The following CCS variants were observed in gnomAD, a reference collection of about 807,000 sequenced individuals.
CCS encodes the protein copper chaperone for superoxide dismutase, also known as superoxide dismutase copper chaperone.
Under a neutral mutation model 35.5 loss-of-function variants are expected in CCS, and 32 were observed. The observed-to-expected ratio is 0.90, with a 90% CI of 0.68 to 1.21. The LOEUF (loss-of-function observed/expected upper bound fraction) is 1.21. Ranked by LOEUF, CCS falls within the 50% of genes most tolerant of loss-of-function variation. The pLI, the probability that CCS is intolerant of heterozygous loss-of-function variation, is 0.00. For synonymous variants in CCS, 130 were observed against 147.2 expected (o/e 0.88, Z 0.84); for missense variants, 342 against 375.4 (o/e 0.91, Z 0.73).
At chr11:66,601,651 C>T (rs1467098071) in intron 5 of CCS, among the ~76,000 whole-genome samples, 1 of 151,980 alleles carries the variant, frequency 6.6e-6, no homozygotes, top group African/African-American at 2.4e-5. Context: ...TCACTACAGC[C>T]TTGAACTCAT....
At chr11:66,597,969 GGCCAGGCGCAGTGGCTCAC>G (rs1858507180) in intron 2 of CCS, among the ~76,000 whole-genome samples, 2 of 150,538 alleles carry the variant, frequency 1.3e-5, no homozygotes, top group Admixed American at 1.3e-4. Context: ...CACCCATTTA[GGCCAGGCGCAGTGGCTCAC>G]GCCTGTAGTC....
chr11:66,593,772 C>A, intron 2 of CCS, 58 bp downstream of exon 2: 2 of 1,499,428 alleles, frequency 1.3e-6, no homozygotes, highest in South Asian at 1.1e-5. Flanking sequence ...AGGGACCAGG[C>A]GAATCTATTA....
At position 66,593,251 on chromosome 11, in the gene CCS, CTG is replaced by C; in HGVS notation, c.-10_-9del. 2 of 1,561,508 alleles carry C rather than the reference CTG, an allele frequency of 1.3e-6. No homozygotes were observed. The highest frequency in any genetic ancestry group is 1.7e-6 in the Non-Finnish European group (2 of 1,153,274). On this transcript the variant is annotated 5_prime_UTR_variant, in exon 1 of 8. Transcript: ENST00000533244. Reference sequence around the variant, plus strand: ...GGAGTTCTGCGTCTCGGGGTGGTGACTGGGTCCAGAATGGCTTCGGATTCGGG... The same window carrying C: ...GGAGTTCTGCGTCTCGGGGTGGTGACGGTCCAGAATGGCTTCGGATTCGGG...
rs149284164 is a variant in CCS, at chr11:66,605,769, G to A, written c.739G>A (p.Asp247Asn). The change falls in exon 8 of 8, where the codon GAT (aspartate) becomes AAT (asparagine). Residue 247 changes from aspartate to asparagine, a missense_variant. Transcript: ENST00000533244. The stretch of plus-strand genomic sequence containing the variant: ...GAACCCCAAGCAGATCTGCTCTTGC[G>A]ATGGCCTCACCATCTGGGAGGAGCG... ...FQNPKQICSCDGLTIWEERGR... is the reference protein window; with the variant it reads ...FQNPKQICSCNGLTIWEERGR... 78 of 1,608,072 alleles carry A rather than the reference G, an allele frequency of 4.9e-5. 1 individual carries two copies. The highest frequency in any genetic ancestry group is 6.7e-5 in the East Asian group (3 of 44,800).
At position 66,599,520 on chromosome 11, in the gene CCS, C is replaced by T. The variant is rs1271419732; in HGVS notation, c.312C>T (p.Arg104=). 6.3e-7 allele frequency: 1 copy of T among 1,586,974 alleles called. No homozygotes were observed. Among genetic ancestry groups the T allele is most frequent in the Non-Finnish European group, 8.6e-7 (1 of 1,168,648 alleles). The change falls in exon 4 of 8, where the codon CGC becomes CGT. Residue 104 remains arginine, a synonymous_variant. Coordinates refer to ENST00000533244, the MANE Select transcript of CCS (RefSeq NM_005125.2). Reference sequence around the variant, plus strand: ...CTGGCACCGTGCAGGGGGTGGTGCGCTTCCTACAGCTGACCCCTGAGCGCT... The same window carrying T: ...CTGGCACCGTGCAGGGGGTGGTGCGTTTCCTACAGCTGACCCCTGAGCGCT... ...GGPGTVQGVV[R]FLQLTPERCL...
At chr11:66,604,248 C>CA (rs1565062471) in intron 5 of CCS, among the ~76,000 whole-genome samples, 1 of 151,360 alleles carries the variant, frequency 6.6e-6, no homozygotes, top group Non-Finnish European at 1.5e-5. Flanking sequence ...ACAAAACAAG[C>CA]AAAAAAAACC....
chr11:66,602,915 A>G (rs942246270), intron 5 of CCS, among the ~76,000 whole-genome samples: 1 of 152,252 alleles, frequency 6.6e-6, no homozygotes. Context: ...CAGGTGGAAA[A>G]GAATTCCATG....
intron 2 of CCS, among the ~76,000 whole-genome samples, chr11:66,596,941 A>T (rs1308403564): frequency 6.6e-6 from 1 of 152,226 alleles, no homozygotes; most frequent in African/African-American, 2.4e-5. Flanking sequence ...CAGTTGCACA[A>T]CTTACTACAG....
intron 1 of CCS, 90 bp from the exon 2 acceptor site, chr11:66,593,552 C>T: frequency 7.4e-7 from 1 of 1,355,138 alleles, no homozygotes. Flanking sequence ...GTTCCCAGAC[C>T]CTTGCGGTGG....
chr11:66,604,883 G>C (rs1436972679), intron 5 of CCS, among the ~76,000 whole-genome samples: 2 of 152,204 alleles, frequency 1.3e-5, no homozygotes, highest in Non-Finnish European at 2.9e-5. Context: ...GGGAAGCCAA[G>C]CTTGGCCAAC....
chr11:66,598,877 G>T (rs567707355), intron 2 of CCS, among the ~76,000 whole-genome samples: 33 of 152,212 alleles, frequency 2.2e-4, no homozygotes, highest in South Asian at 6.2e-4. Flanking sequence ...AATGCCTGGC[G>T]TGTATTAGAA....
intron 2 of CCS, among the ~76,000 whole-genome samples, chr11:66,594,563 T>C (rs555214914): frequency 6.6e-6 from 1 of 152,026 alleles, no homozygotes; most frequent in Non-Finnish European, 1.5e-5. Context: ...ATTGCTCAAG[T>C]CCATGAGTTT....
intron 5 of CCS, 80 bp downstream of exon 5, chr11:66,600,629 A>G: frequency 1.5e-6 from 1 of 655,642 alleles, no homozygotes; most frequent in South Asian, 2.8e-5. Flanking sequence ...TCTTGGGATC[A>G]TAACAGTGTG....
At chr11:66,593,360 A>T in intron 1 of CCS, 60 bp downstream of exon 1, 3 of 1,442,998 alleles carry the variant, frequency 2.1e-6, no homozygotes, top group Non-Finnish European at 2.8e-6. Flanking sequence ...CCCTGGGATG[A>T]TCGTTACCTT....
At chr11:66,601,899 C>CT (rs1858578790) in intron 5 of CCS, among the ~76,000 whole-genome samples, 2 of 149,006 alleles carry the variant, frequency 1.3e-5, no homozygotes, top group East Asian at 2.0e-4. Flanking sequence ...TTTTCTTTTT[C>CT]TTTTTTTTAT....
At chr11:66,600,395 G>C in intron 4 of CCS, 94 bp from the exon 5 acceptor site, 1 of 742,078 alleles carries the variant, frequency 1.3e-6, no homozygotes, top group South Asian at 2.4e-5. Context: ...ATGAATGAAT[G>C]AATGAATGAA....
intron 5 of CCS, among the ~76,000 whole-genome samples, chr11:66,600,816 A>G (rs541577988): frequency 6.6e-6 from 1 of 152,286 alleles, no homozygotes; most frequent in Admixed American, 6.5e-5. Flanking sequence ...CCAGGCAGTG[A>G]GATCATCCTT....
Position 66,605,867 on chromosome 11 carries a change from C to T in CCS, c.*12C>T. 2 of 1,513,650 alleles carry T rather than the reference C, an allele frequency of 1.3e-6. No homozygotes were observed. Among genetic ancestry groups the T allele is most frequent in the Non-Finnish European group, 1.8e-6 (2 of 1,132,300 alleles). The allele number at this position is 1,513,650 out of a possible 1,614,324, so 93.8% of individuals were successfully genotyped here. On this transcript the variant is annotated 3_prime_UTR_variant, in exon 8 of 8. Coordinates refer to ENST00000533244, the MANE Select transcript of CCS (RefSeq NM_005125.2). ...CTGCCCACCTTTGAGCAGGACCTCACCTTGGCTCTGTTGCTGTCCTCCAGG... is the reference window on the plus strand; with the variant it reads ...CTGCCCACCTTTGAGCAGGACCTCATCTTGGCTCTGTTGCTGTCCTCCAGG...
intron 5 of CCS, among the ~76,000 whole-genome samples, chr11:66,600,754 C>G (rs1858560522): frequency 6.6e-6 from 1 of 152,188 alleles, no homozygotes; most frequent in Non-Finnish European, 1.5e-5. Context: ...GCCCCAGTGC[C>G]TGACCCAAGG....
Sources: allele counts gnomAD v4.1 joint callset (sites outside exome capture counted in the v4.1 genomes callset), GRCh38; gene constraint gnomAD v4.1.1; transcripts MANE v1.5; gene names NCBI Gene and HGNC (gene_info 2026-07-23, HGNC 2026-07-21).